XPO4: variants seen among roughly 807,000 people sequenced by gnomAD.
The protein encoded by XPO4 is exportin-4.
A neutral mutation model predicts 143.0 loss-of-function variants in XPO4; 39 were observed. The ratio of observed to expected loss-of-function variants is 0.27; its 90% confidence interval spans 0.21 to 0.36. The LOEUF (loss-of-function observed/expected upper bound fraction) is 0.36, where lower values mean the gene tolerates loss of function less well. XPO4 is among the 10% of genes least tolerant of loss of function. The pLI is 1.00. For missense variants in XPO4, 907 were observed against 1,348.0 expected (o/e 0.67, Z 5.12); for synonymous variants, 439 against 474.0 (o/e 0.93, Z 0.96).
At chr13:20,877,843 T>C (rs1342702142) in intron 1 of XPO4, among the ~76,000 whole-genome samples, 1 of 152,180 alleles carries the variant, frequency 6.6e-6, no homozygotes, top group Non-Finnish European at 1.5e-5. Flanking sequence ...TAGTAACACA[T>C]GGAAATGCAA....
chr13:20,876,277 A>G (rs2060352600), intron 1 of XPO4, among the ~76,000 whole-genome samples: 1 of 151,482 alleles, frequency 6.6e-6, no homozygotes, highest in East Asian at 1.9e-4. Context: ...AAAAAAAAAA[A>G]AAAAAAAGAA....
intron 3 of XPO4, chr13:20,856,967 T>C: frequency 1.7e-5 from 14 of 836,064 alleles, no homozygotes; most frequent in Non-Finnish European, 2.0e-5. Context: ...CACACTAGCA[T>C]ATGCAAAGCA....
At chr13:20,784,978 C>T (rs562689152) in intron 22 of XPO4, among the ~76,000 whole-genome samples, 4 of 152,180 alleles carry the variant, frequency 2.6e-5, no homozygotes, top group South Asian at 2.1e-4. Context: ...AGTGATCCTC[C>T]TACCTCAGCC....
At chr13:20,876,460 T>C (rs2060354696) in intron 1 of XPO4, among the ~76,000 whole-genome samples, 1 of 152,040 alleles carries the variant, frequency 6.6e-6, no homozygotes, top group Non-Finnish European at 1.5e-5. Context: ...TCTGTTTAAA[T>C]AGTGCTGGAA....
rs1461467071 is a variant in XPO4, at chr13:20,902,199, C to T, written c.69+471G>A. ...CAGAGGTGGCTGCATGTCAGGGAAG[C>T]GCTAGAGGATGCGAATGCACAGGAA... On this transcript the variant is annotated intron_variant, in intron 1 of 22. Coordinates refer to ENST00000255305, the MANE Select transcript of XPO4 (RefSeq NM_022459.5). 3 of 985,210 alleles carry T rather than the reference C, an allele frequency of 3.0e-6. No homozygotes were observed. In the African/African-American group the frequency reaches 5.2e-5, roughly 17 times the overall value. 61.0% of individuals were successfully genotyped at this position (985,210 alleles called of 1,614,324 possible).
chr13:20,807,573 T>G lies in XPO4; in HGVS notation c.1701A>C (p.Glu567Asp). The G allele has an allele frequency of 7.4e-6, 12 of 1,613,374 alleles. No homozygotes were observed. The highest frequency in any genetic ancestry group is 1.0e-5 in the Non-Finnish European group (12 of 1,179,782). The change falls in exon 13 of 23, where the codon GAA becomes GAC. Residue 567 changes from glutamate (E) to aspartate (D), a missense_variant. Transcript: ENST00000255305. ...CTTCAGATGAATGCTTAATGGAATA[T>G]TCCATTATTTCTGGAGGTATTAGCG... ...ETPLIPPEIMEYSIKHSSEVD... is the reference protein window; with the variant it reads ...ETPLIPPEIMDYSIKHSSEVD...
intron 1 of XPO4, among the ~76,000 whole-genome samples, chr13:20,890,721 C>A (rs1476527321): frequency 2.0e-5 from 3 of 150,358 alleles, no homozygotes; most frequent in Admixed American, 1.3e-4. Context: ...ACTGCTTGAG[C>A]CTGGGAGGCA....
At chr13:20,791,084 A>C (rs1378666745) in intron 18 of XPO4, among the ~76,000 whole-genome samples, 1 of 151,948 alleles carries the variant, frequency 6.6e-6, no homozygotes, top group Admixed American at 6.6e-5. Context: ...AATATGACAA[A>C]GGGTTATCAT....
intron 22 of XPO4, 60 bp from the exon 23 acceptor site, chr13:20,783,979 T>C: frequency 6.5e-7 from 1 of 1,531,576 alleles, no homozygotes; most frequent in African/African-American, 1.4e-5. Flanking sequence ...AAGTAGATCT[T>C]ATCAGTTACT....
At chr13:20,800,759 A>C (rs1437125721) in intron 14 of XPO4, 72 bp downstream of exon 14, 1 of 1,556,618 alleles carries the variant, frequency 6.4e-7, no homozygotes, top group Non-Finnish European at 8.7e-7. Flanking sequence ...AAAACCACCA[A>C]GAAAAATGTT....
At chr13:20,793,231 A>G (rs930816426) in intron 18 of XPO4, among the ~76,000 whole-genome samples, 3 of 152,170 alleles carry the variant, frequency 2.0e-5, no homozygotes, top group Non-Finnish European at 4.4e-5. Context: ...CTGATGTGCC[A>G]AAGATGTTTC....
At chr13:20,788,387 TAA>T in intron 20 of XPO4, 97 bp downstream of exon 20, 3 of 1,492,840 alleles carry the variant, frequency 2.0e-6, no homozygotes, top group Non-Finnish European at 2.7e-6. Context: ...AATTGAACCA[TAA>T]AAGAAAAATG....
chr13:20,862,666 T>A, intron 3 of XPO4, 51 bp downstream of exon 3: 2 of 1,599,012 alleles, frequency 1.3e-6, no homozygotes, highest in South Asian at 1.1e-5. Flanking sequence ...TCTAAAAAGA[T>A]ACACATAAGC....
At chr13:20,891,887 C>G (rs1277040268) in intron 1 of XPO4, among the ~76,000 whole-genome samples, 1 of 149,270 alleles carries the variant, frequency 6.7e-6, no homozygotes, top group Non-Finnish European at 1.5e-5. Context: ...AAGATAGGGT[C>G]TTGCTATGTT....
intron 2 of XPO4, 159 bp from the exon 3 acceptor site, chr13:20,863,017 T>G: frequency 7.1e-7 from 1 of 1,406,644 alleles, no homozygotes; most frequent in Non-Finnish European, 9.2e-7. Context: ...ACAAAGAGGT[T>G]AGTTCCTCTC....
At chr13:20,883,435 T>C (rs1032242646) in intron 1 of XPO4, among the ~76,000 whole-genome samples, 1 of 152,200 alleles carries the variant, frequency 6.6e-6, no homozygotes, top group African/African-American at 2.4e-5. Context: ...AGAGAAGACC[T>C]TAAAAGCAGT....
chr13:20,806,699 T>C (rs1428693526), intron 13 of XPO4, among the ~76,000 whole-genome samples: 1 of 151,576 alleles, frequency 6.6e-6, no homozygotes, highest in African/African-American at 2.4e-5. Flanking sequence ...ACTACAGGCG[T>C]ACACCACCAC....
intron 2 of XPO4, 154 bp from the exon 3 acceptor site, chr13:20,863,012 G>A: frequency 2.1e-6 from 3 of 1,430,996 alleles, no homozygotes; most frequent in Non-Finnish European, 2.7e-6. Flanking sequence ...GCACCACAAA[G>A]AGGTTAGTTC....
rs147097010 is a variant in XPO4 at position 20,884,732 on chromosome 13, T to C, written c.70-16031A>G. 1.0e-3 allele frequency among the ~76,000 whole-genome samples: 158 copies of C among 152,060 alleles called. 1 individual carries two copies. The East Asian group carries it at 0.029, about 28-fold the overall frequency. On this transcript the variant is annotated intron_variant, in intron 1 of 22. Transcript: ENST00000255305. ...GTGGCCAAGTATTGTATTTTTAAAA[T>C]GATTCTACCTGGGAGGTTAAGGCAG...
Sources: gnomAD v4.1 joint callset for allele counts (sites outside exome capture counted in the v4.1 genomes callset) on GRCh38, gnomAD v4.1.1 for gene constraint, MANE v1.5 for transcripts, NCBI Gene and HGNC (gene_info 2026-07-23, HGNC 2026-07-21) for gene names.